Variants in GRM7 observed in about 807,000 individuals in gnomAD.
GRM7 encodes the protein metabotropic glutamate receptor 7.
GRM7 carries 35 observed loss-of-function variants against 84.5 expected under a neutral mutation model. The observed-to-expected ratio is 0.41, with a 90% confidence interval of 0.32 to 0.55. The LOEUF (loss-of-function observed/expected upper bound fraction) is 0.55. Among genes scored for constraint, GRM7 ranks in the 20% least tolerant of loss-of-function variants. GRM7 has a pLI of 0.19. For missense variants in GRM7, 1,003 were observed against 1,194.6 expected, an observed-to-expected ratio of 0.84 and a Z score of 2.36; for synonymous variants, 487 against 455.1, an observed-to-expected ratio of 1.07 and a Z score of -0.89.
chr3:7,168,723 A>G (rs1694887074), intron 2 of GRM7, among the ~76,000 whole-genome samples: 1 of 152,186 alleles, frequency 6.6e-6, no homozygotes, highest in Admixed American at 6.5e-5. Context: ...TGCCATTTAC[A>G]ATGGAAGGGA....
At chr3:7,353,858 G>A (rs1353495016) in intron 4 of GRM7, among the ~76,000 whole-genome samples, 3 of 152,116 alleles carry the variant, frequency 2.0e-5, no homozygotes, top group African/African-American at 7.2e-5. Flanking sequence ...GGACAGCAGA[G>A]GCAAAGCAAC....
At chr3:6,965,152 A>T (rs1428082479) in intron 1 of GRM7, among the ~76,000 whole-genome samples, 1 of 152,054 alleles carries the variant, frequency 6.6e-6, no homozygotes, top group Admixed American at 6.6e-5. Context: ...GGTGGGAGAG[A>T]GCCTGCCACT....
At chr3:7,174,636 C>T (rs1695086712) in intron 2 of GRM7, among the ~76,000 whole-genome samples, 1 of 152,126 alleles carries the variant, frequency 6.6e-6, no homozygotes, top group Non-Finnish European at 1.5e-5. Context: ...GTATCTTGTT[C>T]TACAATCACC....
intron 8 of GRM7, among the ~76,000 whole-genome samples, chr3:7,598,351 T>G (rs1696148660): frequency 6.6e-6 from 1 of 152,246 alleles, no homozygotes; most frequent in East Asian, 1.9e-4. Context: ...GAGGAGCACA[T>G]GGATATCTGG....
At chr3:6,985,849 G>A (rs1441948251) in intron 1 of GRM7, among the ~76,000 whole-genome samples, 9 of 152,156 alleles carry the variant, frequency 5.9e-5, no homozygotes, top group African/African-American at 2.2e-4. Flanking sequence ...ATTAATACTT[G>A]TCTAAAATAA....
At chr3:7,548,831 C>G (rs1489843545) in intron 7 of GRM7, among the ~76,000 whole-genome samples, 1 of 152,190 alleles carries the variant, frequency 6.6e-6, no homozygotes, top group Non-Finnish European at 1.5e-5. Flanking sequence ...GCCTCACTCT[C>G]TGCATTTTGT....
intron 7 of GRM7, among the ~76,000 whole-genome samples, chr3:7,518,207 C>T (rs142695360): frequency 9.2e-5 from 14 of 152,164 alleles, no homozygotes; most frequent in African/African-American, 2.4e-4. Context: ...TTTCAGCAAG[C>T]GGCTTCAATG....
At position 7,306,637 on chromosome 3, in the gene GRM7, C is replaced by A. The variant is rs1225077372; in HGVS notation, c.1018C>A (p.Arg340=). 1.9e-6 allele frequency: 3 copies of A among 1,604,388 alleles called. No individual in the cohort carries two copies. Among genetic ancestry groups the A allele is most frequent in the Admixed American group, 1.7e-5 (1 of 58,656 alleles). Residue 340 remains arginine (R), a synonymous_variant, in exon 4 of 10, where the codon CGA becomes AGA. Coordinates refer to ENST00000357716, the MANE Select transcript of GRM7 (RefSeq NM_000844.4). ...AGGGGCCATCACCATTCAGCCCAAG[C>A]GAGCCACGGTGGAAGGTATGGGTTT... The part of the protein sequence containing the change: ...AEGAITIQPK[R]ATVEGFDAYF...
intron 4 of GRM7, among the ~76,000 whole-genome samples, chr3:7,407,787 G>A (rs1188707852): frequency 1.3e-5 from 2 of 152,206 alleles, no homozygotes; most frequent in South Asian, 4.1e-4. Flanking sequence ...GTTGGCAGAG[G>A]CAGGATTCAA....
intron 9 of GRM7, among the ~76,000 whole-genome samples, chr3:7,718,242 A>G (rs1701832995): frequency 6.6e-6 from 1 of 152,326 alleles, no homozygotes; most frequent in Admixed American, 6.5e-5. Flanking sequence ...GTTAACCATC[A>G]CTATTGTTAA....
At chr3:7,496,873 A>C (rs1467115019) in intron 7 of GRM7, among the ~76,000 whole-genome samples, 2 of 152,068 alleles carry the variant, frequency 1.3e-5, no homozygotes, top group Non-Finnish European at 2.9e-5. Context: ...AAAATGTGAC[A>C]AAATGTTAAT....
chr3:7,175,555 T>C (rs1559485171), intron 2 of GRM7, among the ~76,000 whole-genome samples: 2 of 152,210 alleles, frequency 1.3e-5, no homozygotes. Flanking sequence ...TTGTCTTTTT[T>C]GAGACAAAGT....
At chr3:6,884,916 G>A (rs1695635777) in intron 1 of GRM7, among the ~76,000 whole-genome samples, 1 of 152,100 alleles carries the variant, frequency 6.6e-6, no homozygotes, top group Non-Finnish European at 1.5e-5. Flanking sequence ...TTTTCTTCAT[G>A]TGAGGTAGAA....
chr3:7,355,429 A>G (rs1234966131), intron 4 of GRM7, among the ~76,000 whole-genome samples: 1 of 152,128 alleles, frequency 6.6e-6, no homozygotes, highest in African/African-American at 2.4e-5. Context: ...ACCAGACCCC[A>G]TGGTGCTTGT....
intron 5 of GRM7, among the ~76,000 whole-genome samples, chr3:7,415,696 C>A (rs1696131443): frequency 6.6e-6 from 1 of 152,082 alleles, no homozygotes; most frequent in Non-Finnish European, 1.5e-5. Context: ...GAAGAAAAAT[C>A]ACACATTCAT....
chr3:6,878,378 CGTGTGTGTGTGT>C (rs34132725), intron 1 of GRM7, among the ~76,000 whole-genome samples: 13 of 141,968 alleles, frequency 9.2e-5, no homozygotes, highest in African/African-American at 2.6e-4. Context: ...TATGTGTTTG[CGTGTGTGTGTGT>C]GTGTGTGTGT....
intron 6 of GRM7, among the ~76,000 whole-genome samples, chr3:7,460,099 TAAA>T (rs71066013): frequency 0.02 from 975 of 49,584 alleles, no homozygotes; most frequent in South Asian, 0.022. Flanking sequence ...CTTAAAATAG[TAAA>T]AAAAAAAAAA....
rs1700167205 is a variant in GRM7, at chr3:7,305,616, CGA to C, written c.879-881_879-880del. Among the ~76,000 whole-genome samples the C allele has an allele frequency of 1.4e-4, 19 of 139,166 alleles. 6 individuals carry two copies. Among genetic ancestry groups the C allele is most frequent in the Middle Eastern group, 3.8e-3 (1 of 264 alleles). The allele number at this position is 139,166 out of a possible 152,430, so 91.3% of individuals were successfully genotyped here. A position where few individuals can be genotyped will look rare whatever the true frequency, so the allele number is the denominator to read the frequency against. On this transcript the variant is annotated intron_variant, in intron 3 of 9. Coordinates refer to ENST00000357716, the MANE Select transcript of GRM7 (RefSeq NM_000844.4). The stretch of plus-strand genomic sequence containing the variant: ...TGCAGTGTTTGGTTTTTTGTTCTTG[CGA>C]TAGTTTACTGAGAATGATTTTTTTC...
rs541985366 is a variant in GRM7 at position 7,432,022 on chromosome 3, C to A, written c.1174+16859C>A. 1.4e-4 allele frequency among the ~76,000 whole-genome samples: 22 copies of A among 152,172 alleles called. No homozygotes were observed. The South Asian group carries it at 2.5e-3, about 17-fold the overall frequency. On this transcript the variant is annotated intron_variant, in intron 5 of 9. Transcript: ENST00000357716. The stretch of plus-strand genomic sequence containing the variant: ...TGAGCAGTGTGGCTTCCCAGATACT[C>A]CAAAGGGCCCCGAACAAGCTACAAG...
Sources: allele counts gnomAD v4.1 joint callset (sites outside exome capture counted in the v4.1 genomes callset), GRCh38; gene constraint gnomAD v4.1.1; transcripts MANE v1.5; gene names NCBI Gene and HGNC (gene_info 2026-07-23, HGNC 2026-07-21).